Variants in FCHSD2 observed in about 807,000 individuals in gnomAD.
FCHSD2 encodes the protein F-BAR and double SH3 domains protein 2.
A neutral mutation model predicts 108.1 loss-of-function variants in FCHSD2; 38 were observed. That is an observed-to-expected ratio of 0.35 (90% CI 0.27 to 0.46). The LOEUF (loss-of-function observed/expected upper bound fraction) is 0.46. Among genes scored for constraint, FCHSD2 ranks in the 20% least tolerant of loss-of-function variants. The probability of loss-of-function intolerance (pLI) is 1.00; values close to 1 mark genes in which losing one functional copy is unlikely to be tolerated. For missense variants in FCHSD2, 751 were observed against 897.8 expected, an observed-to-expected ratio of 0.84 and a Z score of 2.09; for synonymous variants, 279 against 314.7, an observed-to-expected ratio of 0.89 and a Z score of 1.20.
At chr11:73,126,146 G>C (rs1426391277) in intron 2 of FCHSD2, among the ~76,000 whole-genome samples, 3 of 151,276 alleles carry the variant, frequency 2.0e-5, no homozygotes, top group South Asian at 4.2e-4. Flanking sequence ...TCGAGACCAG[G>C]CTGGCCAACA....
Position 73,140,110 on chromosome 11 carries a change from G to C in FCHSD2, c.40C>G (p.Leu14Val). The C allele has an allele frequency of 6.5e-7, 1 of 1,541,868 alleles. No individual in the cohort carries two copies. Among genetic ancestry groups the C allele is most frequent in the Non-Finnish European group, 8.8e-7 (1 of 1,142,070 alleles). ...PPRKVKVTQE[L>V]KNIQVEQMTK... ...ATCTGCTCAACTTGAATGTTTTTCA[G>C]TTCTTGTGTAACTTTCACCTAAAAT... The change falls in exon 2 of 20, where the codon CTG becomes GTG. Residue 14 changes from leucine to valine, a missense_variant. Coordinates refer to ENST00000409418, the MANE Select transcript of FCHSD2 (RefSeq NM_014824.3).
intron 8 of FCHSD2, among the ~76,000 whole-genome samples, chr11:72,947,396 A>G (rs974055106): frequency 2.6e-5 from 4 of 152,196 alleles, no homozygotes; most frequent in Non-Finnish European, 5.9e-5. Context: ...ATGCTCTCCC[A>G]TGTAGTGTCC....
chr11:72,841,657 C>T (rs1860954241), intron 17 of FCHSD2, 74 bp from the exon 18 acceptor site: 4 of 1,413,488 alleles, frequency 2.8e-6, no homozygotes, highest in Admixed American at 2.8e-5. Flanking sequence ...TCTGACTGCT[C>T]TGTACTCATG....
intron 9 of FCHSD2, among the ~76,000 whole-genome samples, chr11:72,913,874 T>C (rs1262392572): frequency 6.7e-6 from 1 of 148,254 alleles, no homozygotes; most frequent in Non-Finnish European, 1.5e-5. Context: ...ACAAGGGAAT[T>C]GAAGGACCTC....
intron 3 of FCHSD2, among the ~76,000 whole-genome samples, chr11:73,017,655 G>A (rs1565369961): frequency 6.6e-6 from 1 of 151,948 alleles, no homozygotes; most frequent in Non-Finnish European, 1.5e-5. Flanking sequence ...TTGTACTTTG[G>A]GAGCTCCAAA....
At chr11:72,937,481 G>A (rs1176601901) in intron 8 of FCHSD2, among the ~76,000 whole-genome samples, 1 of 152,108 alleles carries the variant, frequency 6.6e-6, no homozygotes, top group Non-Finnish European at 1.5e-5. Context: ...TCCTTACATT[G>A]ACATTTTAGG....
At chr11:73,100,322 G>C (rs544658265) in intron 2 of FCHSD2, among the ~76,000 whole-genome samples, 2 of 146,908 alleles carry the variant, frequency 1.4e-5, no homozygotes, top group Non-Finnish European at 3.0e-5. Flanking sequence ...TGACCTAAGC[G>C]CTTTACATGC....
intron 12 of FCHSD2, among the ~76,000 whole-genome samples, chr11:72,879,942 T>G (rs1855046178): frequency 7.0e-6 from 1 of 142,050 alleles, no homozygotes; most frequent in African/African-American, 2.7e-5. Context: ...GAGCTTGACG[T>G]GAGCCGAGAT....
chr11:73,005,293 T>C (rs1395824705), intron 4 of FCHSD2, among the ~76,000 whole-genome samples: 1 of 152,234 alleles, frequency 6.6e-6, no homozygotes, highest in Non-Finnish European at 1.5e-5. Flanking sequence ...CTCAATTCTA[T>C]CCAAATCAGA....
intron 2 of FCHSD2, among the ~76,000 whole-genome samples, chr11:73,108,777 T>C (rs1171007029): frequency 1.3e-5 from 2 of 151,994 alleles, no homozygotes; most frequent in Non-Finnish European, 2.9e-5. Flanking sequence ...TTCACCTTGT[T>C]AGCCAGGATG....
chr11:73,000,989 C>A lies in FCHSD2; in HGVS notation c.387+1G>T, dbSNP rs767137655. 6.2e-7 allele frequency: 1 copy of A among 1,601,242 alleles called. No homozygotes were observed. The highest frequency in any genetic ancestry group is 8.5e-7 in the Non-Finnish European group (1 of 1,173,260). ...TATAAGAACAGAAATAAAAACAATA[C>A]CCTTTTTAGTTGCTGTTCTTTTAAG... On this transcript the variant is annotated splice_donor_variant, in intron 5 of 19. Coordinates refer to ENST00000409418, the MANE Select transcript of FCHSD2 (RefSeq NM_014824.3). LOFTEE classifies it high-confidence loss of function.
At chr11:72,888,229 G>A (rs1591371538) in intron 11 of FCHSD2, among the ~76,000 whole-genome samples, 2 of 152,226 alleles carry the variant, frequency 1.3e-5, no homozygotes, top group African/African-American at 2.4e-5. Context: ...AGGAAAGCCA[G>A]GACAATGTTG....
chr11:73,025,409 T>A (rs1192231325), intron 3 of FCHSD2, among the ~76,000 whole-genome samples: 1 of 152,096 alleles, frequency 6.6e-6, no homozygotes, highest in East Asian at 1.9e-4. Context: ...AAATACCACA[T>A]ATTCTCACTT....
chr11:72,994,581 C>G (rs12786299), intron 5 of FCHSD2, among the ~76,000 whole-genome samples: 1 of 151,864 alleles, frequency 6.6e-6, no homozygotes. Flanking sequence ...TGTAAACTCA[C>G]GGTGAAACCC....
chr11:73,071,217 C>T (rs1055167891), intron 3 of FCHSD2, among the ~76,000 whole-genome samples: 1 of 152,320 alleles, frequency 6.6e-6, no homozygotes, highest in East Asian at 1.9e-4. Flanking sequence ...CCTAGTTTTG[C>T]ACTTCAGAGT....
intron 8 of FCHSD2, among the ~76,000 whole-genome samples, chr11:72,944,997 T>G (rs1414457116): frequency 6.6e-6 from 1 of 152,202 alleles, no homozygotes; most frequent in African/African-American, 2.4e-5. Flanking sequence ...ATAGATTCAA[T>G]GCCATCCTCA....
chr11:72,911,700 A>G (rs1375674903), intron 9 of FCHSD2, among the ~76,000 whole-genome samples: 1 of 151,262 alleles, frequency 6.6e-6, no homozygotes, highest in Non-Finnish European at 1.5e-5. Flanking sequence ...TTATACTTTA[A>G]GTTTTAGGGT....
chr11:73,108,808 T>C (rs964508157), intron 2 of FCHSD2, among the ~76,000 whole-genome samples: 6 of 152,076 alleles, frequency 3.9e-5, no homozygotes, highest in African/African-American at 2.4e-5. Context: ...CCTGACCTCA[T>C]GATCCACCCG....
intron 3 of FCHSD2, among the ~76,000 whole-genome samples, chr11:73,022,512 AG>A (rs1038954029): frequency 3.9e-5 from 6 of 152,232 alleles, no homozygotes; most frequent in Non-Finnish European, 7.3e-5. Flanking sequence ...TGAAGTACTT[AG>A]GTATAAATCC....
Sources: gnomAD v4.1 joint callset for allele counts (sites outside exome capture counted in the v4.1 genomes callset) on GRCh38, gnomAD v4.1.1 for gene constraint, MANE v1.5 for transcripts, NCBI Gene and HGNC (gene_info 2026-07-23, HGNC 2026-07-21) for gene names.